HDDC2: variants seen among roughly 807,000 people sequenced by gnomAD.
HDDC2 encodes HD domain containing 2.
A neutral mutation model predicts 25.5 loss-of-function variants in HDDC2; 25 were observed. That is an observed-to-expected ratio of 0.98 (90% CI 0.72 to 1.37). The LOEUF (loss-of-function observed/expected upper bound fraction) is 1.37, where lower values mean the gene tolerates loss of function less well. HDDC2 is among the 40% of genes most tolerant of loss of function. HDDC2 has a pLI of 0.00. For missense variants in HDDC2, 264 were observed against 253.1 expected, an observed-to-expected ratio of 1.04 and a Z score of -0.29; for synonymous variants, 106 against 89.7, an observed-to-expected ratio of 1.18 and a Z score of -1.03.
At chr6:125,287,938 G>A (rs376930178) in intron 4 of HDDC2, among the ~76,000 whole-genome samples, 5 of 152,214 alleles carry the variant, frequency 3.3e-5, no homozygotes, top group East Asian at 1.9e-4. Context: ...CACGAAGGCC[G>A]AAGGCCGGCT....
At chr6:125,292,004 G>A (rs908205438) in intron 4 of HDDC2, among the ~76,000 whole-genome samples, 2 of 152,146 alleles carry the variant, frequency 1.3e-5, no homozygotes, top group Non-Finnish European at 2.9e-5. Flanking sequence ...CTTTGGCAGA[G>A]GCAAAGCAGG....
intron 4 of HDDC2, among the ~76,000 whole-genome samples, chr6:125,287,407 T>C (rs1583051754): frequency 6.6e-6 from 1 of 152,316 alleles, no homozygotes; most frequent in East Asian, 1.9e-4. Flanking sequence ...ACCTGAGTTG[T>C]AGTTAGAAGA....
chr6:125,297,643 T>A (rs558165343), intron 3 of HDDC2: 7 of 398,982 alleles, frequency 1.8e-5, no homozygotes, highest in South Asian at 1.3e-4. Flanking sequence ...GCTCTGAGAA[T>A]AGACATTTAA....
chr6:125,276,911 A>G, intron 5 of HDDC2, 191 bp downstream of exon 5: 1 of 598,188 alleles, frequency 1.7e-6, no homozygotes, highest in Admixed American at 3.1e-5. Context: ...TTCATTCCAC[A>G]TTAAACTCTA....
chr6:125,295,037 A>G (rs1035033942), intron 3 of HDDC2, among the ~76,000 whole-genome samples: 2 of 152,214 alleles, frequency 1.3e-5, no homozygotes, highest in Admixed American at 1.3e-4. Flanking sequence ...GAGAGTTAAT[A>G]TTCTTTGTTT....
At chr6:125,289,814 T>C (rs942788937) in intron 4 of HDDC2, among the ~76,000 whole-genome samples, 2 of 152,182 alleles carry the variant, frequency 1.3e-5, no homozygotes, top group African/African-American at 4.8e-5. Context: ...CCAAGGACGG[T>C]GGGGTGTACT....
chr6:125,277,174 G>A lies in HDDC2; in HGVS notation c.445C>T (p.Leu149Phe), dbSNP rs746856033. 1 of 1,614,004 alleles carries A rather than the reference G, an allele frequency of 6.2e-7. No individual in the cohort carries two copies. Among genetic ancestry groups the A allele is most frequent in the African/African-American group, 1.3e-5 (1 of 75,046 alleles). ...VKQLDQCEMI[L>F]QASEYEDLEH... The stretch of plus-strand genomic sequence containing the variant: ...AGGTCTTCATATTCAGATGCTTGAA[G>A]AATCATTTCACATTGGTCTAGCTGC... Residue 149 changes from leucine to phenylalanine, a missense_variant, in exon 5 of 6, where the codon CTT becomes TTT. Transcript: ENST00000398153.
At chr6:125,277,449 C>T (rs1380587546) in intron 4 of HDDC2, 1 of 480,824 alleles carries the variant, frequency 2.1e-6, no homozygotes, top group Non-Finnish European at 3.7e-6. Context: ...GATGTGCTCT[C>T]CATTCTAAGT....
In HDDC2 at chr6:125,275,687, G is replaced by A. The variant is rs1386902697; in HGVS notation, c.*459C>T. ...CAAGAGAGTAAATCTGAATAAGGCA[G>A]CAATTTCATCTGGGGAGAGAATACA... On this transcript the variant is annotated 3_prime_UTR_variant, in exon 6 of 6. Transcript: ENST00000398153. The A allele has an allele frequency of 6.3e-6, 1 of 157,548 alleles. No individual in the cohort carries two copies. The allele number at this position is 157,548 out of a possible 1,614,324, so 9.8% of individuals were successfully genotyped here.
At chr6:125,294,684 C>T (rs2115115209) in intron 3 of HDDC2, among the ~76,000 whole-genome samples, 1 of 152,272 alleles carries the variant, frequency 6.6e-6, no homozygotes, top group Middle Eastern at 3.4e-3. Flanking sequence ...CCTGCTCTGA[C>T]AGGAGACTAT....
intron 1 of HDDC2, 66 bp downstream of exon 1, chr6:125,301,783 C>G (rs1353899658): frequency 8.1e-7 from 1 of 1,228,006 alleles, no homozygotes; most frequent in Non-Finnish European, 1.1e-6. Context: ...GCGGGGAGGC[C>G]GGAAGCTCCG....
intron 3 of HDDC2, among the ~76,000 whole-genome samples, chr6:125,293,993 G>GTCCTA (rs1798667783): frequency 6.6e-6 from 1 of 152,164 alleles, no homozygotes; most frequent in African/African-American, 2.4e-5. Context: ...AAAGATCCCA[G>GTCCTA]GAGCTACCCT....
chr6:125,299,915 G>C (rs1798769985), intron 2 of HDDC2, among the ~76,000 whole-genome samples: 1 of 152,148 alleles, frequency 6.6e-6, no homozygotes, highest in African/African-American at 2.4e-5. Context: ...GCTCAACTCA[G>C]ATTGCACCTC....
At chr6:125,285,650 A>T (rs536589711) in intron 4 of HDDC2, among the ~76,000 whole-genome samples, 11 of 145,314 alleles carry the variant, frequency 7.6e-5, no homozygotes, top group East Asian at 1.9e-4. Context: ...AAATTAAATT[A>T]AAAAAAAAAT....
chr6:125,283,384 T>C (rs1253835989), intron 4 of HDDC2, among the ~76,000 whole-genome samples: 1 of 152,176 alleles, frequency 6.6e-6, no homozygotes, highest in Non-Finnish European at 1.5e-5. Context: ...TTACCTCTGT[T>C]TGCAGATGTC....
At chr6:125,282,454 G>A in intron 4 of HDDC2, among the ~76,000 whole-genome samples, 1 of 151,980 alleles carries the variant, frequency 6.6e-6, no homozygotes, top group Non-Finnish European at 1.5e-5. Flanking sequence ...CTTTTACATA[G>A]AAGCAAATGC....
intron 4 of HDDC2, among the ~76,000 whole-genome samples, chr6:125,291,985 C>T (rs952428544): frequency 6.6e-6 from 1 of 151,934 alleles, no homozygotes; most frequent in African/African-American, 2.4e-5. Flanking sequence ...AGACATGAAA[C>T]TCTGCCAGCT....
chr6:125,283,427 A>G (rs935107531), intron 4 of HDDC2, among the ~76,000 whole-genome samples: 12 of 152,222 alleles, frequency 7.9e-5, no homozygotes, highest in Non-Finnish European at 1.6e-4. Context: ...CCATTGTCTC[A>G]GCCCCAAAAC....
intron 4 of HDDC2, among the ~76,000 whole-genome samples, chr6:125,287,662 T>C (rs1408778631): frequency 6.6e-6 from 1 of 151,982 alleles, no homozygotes; most frequent in Non-Finnish European, 1.5e-5. Flanking sequence ...AATCAGCACA[T>C]GATCGCTGAA....
Sources: gnomAD v4.1 joint callset for allele counts (sites outside exome capture counted in the v4.1 genomes callset) on GRCh38, gnomAD v4.1.1 for gene constraint, MANE v1.5 for transcripts, NCBI Gene and HGNC (gene_info 2026-07-23, HGNC 2026-07-21) for gene names.